Variants in ELMO1 observed in about 807,000 individuals in gnomAD.
ELMO1 encodes the protein engulfment and cell motility protein 1.
Under a neutral mutation model 98.9 loss-of-function variants are expected in ELMO1, and 26 were observed. That is an observed-to-expected ratio of 0.26 (90% CI 0.19 to 0.36). The LOEUF (loss-of-function observed/expected upper bound fraction) is 0.36, where lower values mean the gene tolerates loss of function less well. Among genes scored for constraint, ELMO1 ranks in the 10% least tolerant of loss-of-function variants. The pLI is 1.00. For synonymous variants in ELMO1, 346 were observed against 346.0 expected, an observed-to-expected ratio of 1.00 and a Z score of 0.00; for missense variants, 627 against 935.2, an observed-to-expected ratio of 0.67 and a Z score of 4.30.
At chr7:37,378,498 C>T (rs1802450641) in intron 1 of ELMO1, among the ~76,000 whole-genome samples, 1 of 151,996 alleles carries the variant, frequency 6.6e-6, no homozygotes, top group Admixed American at 6.6e-5. Flanking sequence ...CAAATCTGGA[C>T]TCTGATAAAC....
intron 13 of ELMO1, among the ~76,000 whole-genome samples, chr7:37,164,577 C>G (rs1487710180): frequency 6.6e-6 from 1 of 152,176 alleles, no homozygotes. Flanking sequence ...TTTCCCAGCA[C>G]CATTTGTTAA....
chr7:37,293,216 T>G, intron 4 of ELMO1, among the ~76,000 whole-genome samples: 1 of 125,680 alleles, frequency 8.0e-6, no homozygotes, highest in Admixed American at 7.7e-5. Context: ...GTCTGGGAGG[T>G]GTACCCAACA....
chr7:37,066,536 G>A (rs1796978302), intron 15 of ELMO1, among the ~76,000 whole-genome samples: 1 of 152,188 alleles, frequency 6.6e-6, no homozygotes, highest in Non-Finnish European at 1.5e-5. Flanking sequence ...GTAGGCCTCT[G>A]TGCCTCAAAG....
chr7:37,129,723 C>T (rs889484673), intron 14 of ELMO1, among the ~76,000 whole-genome samples: 1 of 152,154 alleles, frequency 6.6e-6, no homozygotes, highest in Non-Finnish European at 1.5e-5. Context: ...TTATTTTTGC[C>T]TCTGGTCTTG....
At chr7:36,929,102 T>C (rs933833261) in intron 16 of ELMO1, among the ~76,000 whole-genome samples, 5 of 152,226 alleles carry the variant, frequency 3.3e-5, no homozygotes, top group Admixed American at 6.5e-5. Context: ...AGTAGCAGAC[T>C]CTGCTAGAAC....
intron 4 of ELMO1, among the ~76,000 whole-genome samples, chr7:37,314,135 T>C (rs1397856098): frequency 6.6e-6 from 1 of 152,224 alleles, no homozygotes; most frequent in African/African-American, 2.4e-5. Context: ...TAACCATTTG[T>C]CCTCAATGAC....
chr7:36,962,760 A>C (rs1789066004), intron 16 of ELMO1, among the ~76,000 whole-genome samples: 1 of 152,176 alleles, frequency 6.6e-6, no homozygotes, highest in Non-Finnish European at 1.5e-5. Context: ...TCCTTCTGCA[A>C]AAAGGAAAGC....
chr7:36,905,996 C>A (rs553112086), intron 16 of ELMO1, among the ~76,000 whole-genome samples: 80 of 152,332 alleles, frequency 5.3e-4, no homozygotes, highest in Non-Finnish European at 1.1e-3. Context: ...ATGGGAAAAC[C>A]TGCCCCTCTG....
intron 21 of ELMO1, among the ~76,000 whole-genome samples, chr7:36,856,467 T>G (rs139831274): frequency 1.1e-4 from 17 of 152,308 alleles, no homozygotes; most frequent in African/African-American, 3.4e-4. Flanking sequence ...TTTCACCAGG[T>G]CTCTGGGGCC....
chr7:37,256,897 C>T (rs1015921876), intron 6 of ELMO1, among the ~76,000 whole-genome samples: 5 of 152,142 alleles, frequency 3.3e-5, no homozygotes, highest in African/African-American at 1.2e-4. Flanking sequence ...ACCCTTTAAA[C>T]AACCCAGTTT....
intron 1 of ELMO1, among the ~76,000 whole-genome samples, chr7:37,417,688 A>ACACACACACACACACACAC (rs1554310019): frequency 1.4e-5 from 2 of 147,314 alleles, no homozygotes; most frequent in Non-Finnish European, 3.0e-5. Context: ...ACACACAAGC[A>ACACACACACACACACACAC]AAAATTAGCT....
chr7:37,057,725 G>C (rs1215548756), intron 15 of ELMO1, among the ~76,000 whole-genome samples: 1 of 152,192 alleles, frequency 6.6e-6, no homozygotes, highest in East Asian at 1.9e-4. Flanking sequence ...ACCATGAATT[G>C]ACCTCTGGGT....
In ELMO1 at chr7:37,278,462, T is replaced by C. The variant is rs538712483; in HGVS notation, c.193-6580A>G. ...AAGTTAAGGCTGCAGTGATCTATGA[T>C]CCCACTACTGCACTCCAGCCTAGGC... On this transcript the variant is annotated intron_variant, in intron 4 of 21. Transcript: ENST00000310758. Among the ~76,000 whole-genome samples, 14 of 152,158 alleles carry C rather than the reference T, an allele frequency of 9.2e-5. 1 individual carries two copies. The highest frequency in any genetic ancestry group is 9.2e-4 in the Admixed American group (14 of 15,294).
At chr7:37,021,288 C>T (rs1794251977) in intron 15 of ELMO1, among the ~76,000 whole-genome samples, 1 of 152,192 alleles carries the variant, frequency 6.6e-6, no homozygotes, top group Non-Finnish European at 1.5e-5. Context: ...ACCTTCGCAG[C>T]TCTTCTCAGC....
chr7:37,140,334 C>T (rs906278949), intron 13 of ELMO1, among the ~76,000 whole-genome samples: 3 of 151,528 alleles, frequency 2.0e-5, no homozygotes, highest in Non-Finnish European at 2.9e-5. Flanking sequence ...TGTAGTGAGC[C>T]GAGATGGCGC....
chr7:37,361,730 C>T (rs1481465814), intron 1 of ELMO1, among the ~76,000 whole-genome samples: 2 of 152,212 alleles, frequency 1.3e-5, no homozygotes, highest in Admixed American at 6.5e-5. Flanking sequence ...AGGCCAAGGC[C>T]GGCGGATGGC....
chr7:37,135,513 A>G (rs954438902), intron 13 of ELMO1, among the ~76,000 whole-genome samples: 1 of 152,214 alleles, frequency 6.6e-6, no homozygotes, highest in Non-Finnish European at 1.5e-5. Context: ...AGGTGCAGGT[A>G]TCAATGGCTG....
At chr7:37,063,302 C>G (rs1029763881) in intron 15 of ELMO1, among the ~76,000 whole-genome samples, 8 of 152,160 alleles carry the variant, frequency 5.3e-5, no homozygotes, top group African/African-American at 1.9e-4. Context: ...AATCAATAAG[C>G]AGCTTTTGGT....
At chr7:37,213,701 G>A (rs865845385) in intron 11 of ELMO1, among the ~76,000 whole-genome samples, 18 of 152,226 alleles carry the variant, frequency 1.2e-4, no homozygotes, top group Middle Eastern at 6.8e-3. Flanking sequence ...GGGGAAAAGC[G>A]CTGGAAAGGG....
Sources: gnomAD v4.1 joint callset for allele counts (sites outside exome capture counted in the v4.1 genomes callset) on GRCh38, gnomAD v4.1.1 for gene constraint, MANE v1.5 for transcripts, NCBI Gene and HGNC (gene_info 2026-07-23, HGNC 2026-07-21) for gene names.